Variants in LINGO2 observed in about 807,000 individuals in gnomAD.
LINGO2 encodes leucine-rich repeat and immunoglobulin-like domain-containing nogo receptor-interacting protein 2.
In LINGO2, 14 loss-of-function variants were observed where a neutral mutation model predicts 30.6. The ratio of observed to expected loss-of-function variants is 0.46; its 90% CI spans 0.30 to 0.72. The LOEUF is 0.72. Among genes scored for constraint, LINGO2 ranks in the 30% least tolerant of loss-of-function variants. The pLI is 0.07. For missense variants in LINGO2, 729 were observed against 751.7 expected (o/e 0.97, Z 0.35); for synonymous variants, 317 against 288.5 (o/e 1.10, Z -1.00).
chr9:28,104,719 T>C (rs1347186106), intron 4 of LINGO2, among the ~76,000 whole-genome samples: 2 of 152,166 alleles, frequency 1.3e-5, no homozygotes, highest in Non-Finnish European at 2.9e-5. Flanking sequence ...AAATTTGCCA[T>C]AATTTAAATC....
At chr9:28,011,410 G>T (rs773428813) in intron 5 of LINGO2, among the ~76,000 whole-genome samples, 6 of 152,210 alleles carry the variant, frequency 3.9e-5, no homozygotes, top group African/African-American at 1.2e-4. Context: ...GTACAGGGGT[G>T]CAGGGGAAAG....
the LINGO2 span, among the ~76,000 whole-genome samples, chr9:29,021,794 A>G: frequency 1.3e-5 from 2 of 152,044 alleles, no homozygotes; most frequent in African/African-American, 4.8e-5. Context: ...AAGACAATAA[A>G]TGTTGATATT....
intron 5 of LINGO2, among the ~76,000 whole-genome samples, chr9:27,970,684 A>G (rs1477098702): frequency 1.3e-5 from 2 of 152,138 alleles, no homozygotes; most frequent in Non-Finnish European, 2.9e-5. Flanking sequence ...TCTGATCTCC[A>G]TTGTGAGAAC....
chr9:28,936,247 T>C, the LINGO2 span, among the ~76,000 whole-genome samples: 1 of 152,136 alleles, frequency 6.6e-6, no homozygotes, highest in Admixed American at 6.6e-5. Flanking sequence ...TTTAAATTAA[T>C]AGTCAGAACA....
At chr9:28,555,843 A>G (rs1311239087) in intron 1 of LINGO2, among the ~76,000 whole-genome samples, 1 of 152,120 alleles carries the variant, frequency 6.6e-6, no homozygotes, top group East Asian at 1.9e-4. Context: ...CTGGTTCAAT[A>G]TAAGCAAATC....
the LINGO2 span, among the ~76,000 whole-genome samples, chr9:28,950,266 T>C: frequency 1.3e-4 from 20 of 152,308 alleles, no homozygotes; most frequent in East Asian, 2.7e-3. Flanking sequence ...GAGCTATTTA[T>C]GACAAACCCA....
the LINGO2 span, among the ~76,000 whole-genome samples, chr9:28,680,637 T>G: frequency 6.6e-6 from 1 of 152,292 alleles, no homozygotes. Context: ...CTGTCATCTT[T>G]TTTTATCAGG....
the LINGO2 span, among the ~76,000 whole-genome samples, chr9:28,987,901 T>C: frequency 6.6e-6 from 1 of 152,204 alleles, no homozygotes; most frequent in Non-Finnish European, 1.5e-5. Flanking sequence ...AAAACATACC[T>C]GATATGATTT....
At chr9:28,877,110 T>G in the LINGO2 span, among the ~76,000 whole-genome samples, 1 of 151,716 alleles carries the variant, frequency 6.6e-6, no homozygotes, top group Admixed American at 6.6e-5. Context: ...GTTTTTTTTT[T>G]TTGTAAATTT....
chr9:28,697,062 T>C, the LINGO2 span, among the ~76,000 whole-genome samples: 1 of 151,942 alleles, frequency 6.6e-6, no homozygotes, highest in South Asian at 2.1e-4. Context: ...CATGTAGAAG[T>C]GGGGTGTCAT....
At chr9:28,518,101 C>T (rs1021430471) in intron 1 of LINGO2, among the ~76,000 whole-genome samples, 5 of 152,094 alleles carry the variant, frequency 3.3e-5, no homozygotes, top group African/African-American at 4.8e-5. Context: ...ATTTTACCTC[C>T]ACAGCCAGCA....
the LINGO2 span, among the ~76,000 whole-genome samples, chr9:28,858,573 G>C: frequency 2.0e-5 from 3 of 151,938 alleles, no homozygotes; most frequent in African/African-American, 7.3e-5. Context: ...CTAAAATGCG[G>C]GTTTCATCCG....
rs531601425 is a variant in LINGO2, at chr9:28,385,495, G to A, written c.-278-12627C>T. Among the ~76,000 whole-genome samples, 6 of 152,202 alleles carry A rather than the reference G, an allele frequency of 3.9e-5. No homozygotes were observed. In the South Asian group the frequency reaches 8.3e-4, roughly 21 times the overall value. On this transcript the variant is annotated intron_variant, in intron 2 of 5. Transcript: ENST00000379992. ...GAATTAAGAAATATAGAAAAGGCACGGATACTGTTATGCTTCATAATCCTA... is the reference window on the plus strand; with the variant it reads ...GAATTAAGAAATATAGAAAAGGCACAGATACTGTTATGCTTCATAATCCTA...
At chr9:28,620,388 T>A (rs1269448207) in intron 1 of LINGO2, among the ~76,000 whole-genome samples, 4 of 152,158 alleles carry the variant, frequency 2.6e-5, no homozygotes, top group Non-Finnish European at 4.4e-5. Context: ...GATTTCATTA[T>A]CCTCTTTGCC....
chr9:28,027,713 G>T (rs1331943120), intron 4 of LINGO2, among the ~76,000 whole-genome samples: 1 of 152,114 alleles, frequency 6.6e-6, no homozygotes, highest in African/African-American at 2.4e-5. Flanking sequence ...ATGCGAGGTG[G>T]TATATAAAGT....
At chr9:28,308,402 C>A (rs1420387806) in intron 3 of LINGO2, among the ~76,000 whole-genome samples, 11 of 138,762 alleles carry the variant, frequency 7.9e-5, no homozygotes, top group Non-Finnish European at 1.6e-4. Flanking sequence ...AACTGGATCC[C>A]TTCCTTACAC....
intron 3 of LINGO2, among the ~76,000 whole-genome samples, chr9:28,352,027 A>G (rs981353043): frequency 3.6e-4 from 55 of 151,154 alleles, no homozygotes; most frequent in African/African-American, 1.2e-3. Flanking sequence ...ATCTATGACA[A>G]ACCCACAGCC....
the LINGO2 span, among the ~76,000 whole-genome samples, chr9:28,914,623 G>C: frequency 6.6e-6 from 1 of 151,918 alleles, no homozygotes. Context: ...TTGAAAATTT[G>C]ATATTTGCAG....
At chr9:28,183,260 C>T (rs961659378) in intron 4 of LINGO2, among the ~76,000 whole-genome samples, 1 of 151,666 alleles carries the variant, frequency 6.6e-6, no homozygotes, top group Non-Finnish European at 1.5e-5. Context: ...ACAATGAGAA[C>T]ACATGGACAC....
Sources: allele counts gnomAD v4.1 joint callset (sites outside exome capture counted in the v4.1 genomes callset), GRCh38; gene constraint gnomAD v4.1.1; transcripts MANE v1.5; gene names NCBI Gene and HGNC (gene_info 2026-07-23, HGNC 2026-07-21).